NOL4: variants seen among roughly 807,000 people sequenced by gnomAD.
NOL4 encodes cancer/testis antigen 125.
Under a neutral mutation model 75.9 loss-of-function variants are expected in NOL4, and 17 were observed. The observed-to-expected ratio is 0.22, with a 90% CI of 0.15 to 0.34. The LOEUF is 0.34. NOL4 is among the 10% of genes least tolerant of loss of function. NOL4 has a pLI of 1.00. For missense variants in NOL4, 614 were observed against 793.5 expected (o/e 0.77, Z 2.72); for synonymous variants, 292 against 289.9 (o/e 1.01, Z -0.07).
intron 9 of NOL4, among the ~76,000 whole-genome samples, chr18:33,887,421 T>G (rs999622337): frequency 2.0e-5 from 3 of 151,458 alleles, no homozygotes; most frequent in Admixed American, 6.6e-5. Context: ...AAGGTGAGTT[T>G]TTTTTTTTTT....
At chr18:33,905,634 C>G (rs745699433) in intron 9 of NOL4, among the ~76,000 whole-genome samples, 6 of 152,188 alleles carry the variant, frequency 3.9e-5, no homozygotes, top group Admixed American at 6.5e-5. Flanking sequence ...TGCCATCCTA[C>G]ACCTTGTTCA....
chr18:34,107,710 C>T (rs1202780058), intron 2 of NOL4, among the ~76,000 whole-genome samples: 2 of 151,418 alleles, frequency 1.3e-5, no homozygotes, highest in African/African-American at 4.9e-5. Flanking sequence ...TTTCCCTATT[C>T]AGAATCTTTT....
chr18:34,007,485 G>A (rs780970084), intron 6 of NOL4, among the ~76,000 whole-genome samples: 1 of 151,994 alleles, frequency 6.6e-6, no homozygotes, highest in African/African-American at 2.4e-5. Flanking sequence ...ATAAATACCA[G>A]CTATCAAGAC....
In NOL4 at chr18:33,883,381, G is replaced by A. The variant is rs753788651; in HGVS notation, c.1586C>T (p.Thr529Ile). 2 of 1,612,694 alleles carry A rather than the reference G, an allele frequency of 1.2e-6. No individual in the cohort carries two copies. Among genetic ancestry groups the A allele is most frequent in the South Asian group, 1.1e-5 (1 of 90,972 alleles). Residue 529 changes from threonine to isoleucine, a missense_variant, in exon 10 of 11, where the codon ACC (threonine) becomes ATC (isoleucine). Physicochemically the swap from Thr to Ile is moderately conservative, Grantham distance 89 (BLOSUM62 -1). Around this residue, in one of 9 missense-constraint regions of NOL4, gnomAD observed 128 missense variants for 159.9 expected, o/e 0.80. Transcript: ENST00000261592. The part of the protein sequence containing the change: ...PADKQCKPEA[T>I]QATYSTSAVP... ...AGCTGATGTTGAGTAAGTGGCCTGG[G>A]TCGCCTCTGGTTTACACTGTTTGTC...
chr18:34,147,283 C>T (rs754526823), intron 1 of NOL4, among the ~76,000 whole-genome samples: 1 of 152,096 alleles, frequency 6.6e-6, no homozygotes, highest in Non-Finnish European at 1.5e-5. Context: ...AGAGGGCATC[C>T]TTGTCTTGTG....
At chr18:33,932,839 G>A (rs1173486215) in intron 9 of NOL4, among the ~76,000 whole-genome samples, 2 of 151,962 alleles carry the variant, frequency 1.3e-5, no homozygotes, top group Non-Finnish European at 2.9e-5. Flanking sequence ...TAAAAAGTAT[G>A]GCAATTATAA....
At chr18:34,121,029 A>G (rs918678876) in intron 2 of NOL4, among the ~76,000 whole-genome samples, 17 of 152,226 alleles carry the variant, frequency 1.1e-4, no homozygotes, top group Admixed American at 9.2e-4. Context: ...GCTGCTAAGG[A>G]AAAGATTGTC....
intron 8 of NOL4, among the ~76,000 whole-genome samples, chr18:33,943,868 T>C (rs749773014): frequency 2.2e-4 from 34 of 151,886 alleles, no homozygotes; most frequent in Admixed American, 1.6e-3. Flanking sequence ...GTAGCCCACA[T>C]AGAAAGAATT....
chr18:33,938,421 C>G (rs1372702988), intron 9 of NOL4, among the ~76,000 whole-genome samples: 1 of 152,076 alleles, frequency 6.6e-6, no homozygotes, highest in Non-Finnish European at 1.5e-5. Context: ...ATTGCTATTT[C>G]TCCACATCCT....
intron 9 of NOL4, among the ~76,000 whole-genome samples, chr18:33,924,198 C>T (rs1359201306): frequency 6.6e-6 from 1 of 152,206 alleles, no homozygotes; most frequent in Non-Finnish European, 1.5e-5. Flanking sequence ...GGTCAGCTCC[C>T]TGCAGCTGCG....
chr18:33,952,191 G>A (rs1261506149), intron 8 of NOL4, among the ~76,000 whole-genome samples: 2 of 152,098 alleles, frequency 1.3e-5, no homozygotes, highest in Non-Finnish European at 2.9e-5. Flanking sequence ...ACCCCATGAG[G>A]CTCAGGTCAA....
intron 5 of NOL4, among the ~76,000 whole-genome samples, chr18:34,078,412 G>C (rs190583569): frequency 2.6e-5 from 4 of 152,072 alleles, no homozygotes; most frequent in Non-Finnish European, 4.4e-5. Flanking sequence ...TTTAAGCAAC[G>C]CCATTTCTGA....
chr18:34,077,201 G>T (rs938774292), intron 5 of NOL4, among the ~76,000 whole-genome samples: 31 of 152,034 alleles, frequency 2.0e-4, no homozygotes, highest in African/African-American at 6.5e-4. Context: ...CCAGCTACCT[G>T]GGAGGCTGAG....
At chr18:34,068,524 T>A (rs2077376414) in intron 5 of NOL4, among the ~76,000 whole-genome samples, 1 of 152,100 alleles carries the variant, frequency 6.6e-6, no homozygotes, top group Non-Finnish European at 1.5e-5. Flanking sequence ...TTCAGCCTCC[T>A]GAGTGGCTGG....
At chr18:33,888,422 A>G (rs889304652) in intron 9 of NOL4, among the ~76,000 whole-genome samples, 1 of 152,196 alleles carries the variant, frequency 6.6e-6, no homozygotes, top group African/African-American at 2.4e-5. Context: ...CTTTAGTTTA[A>G]TTAGATCCCA....
At chr18:34,219,506 T>C (rs1351903436) in intron 1 of NOL4, among the ~76,000 whole-genome samples, 20 of 152,382 alleles carry the variant, frequency 1.3e-4, no homozygotes, top group Non-Finnish European at 5.9e-5. Context: ...TTTCCACTAA[T>C]TGTTGCCAGA....
intron 6 of NOL4, among the ~76,000 whole-genome samples, chr18:33,979,068 A>T (rs997505634): frequency 6.6e-6 from 1 of 152,100 alleles, no homozygotes; most frequent in Non-Finnish European, 1.5e-5. Context: ...TTTTACTTTG[A>T]CATTTACTCT....
intron 1 of NOL4, among the ~76,000 whole-genome samples, chr18:34,160,401 A>T (rs945024075): frequency 5.3e-5 from 8 of 152,154 alleles, no homozygotes; most frequent in African/African-American, 1.9e-4. Flanking sequence ...AAATTAAAAA[A>T]TATTGTAAGT....
intron 2 of NOL4, among the ~76,000 whole-genome samples, chr18:34,110,463 A>G (rs1017062553): frequency 3.3e-5 from 5 of 152,190 alleles, no homozygotes; most frequent in Admixed American, 3.3e-4. Flanking sequence ...ATTCAGAAAA[A>G]GCATTTGACA....
Sources: gnomAD v4.1 joint callset for allele counts (sites outside exome capture counted in the v4.1 genomes callset) on GRCh38, gnomAD v4.1.1 for gene constraint, gnomAD v4.1.1 regional missense constraint, MANE v1.5 for transcripts, NCBI Gene and HGNC (gene_info 2026-07-23, HGNC 2026-07-21) for gene names.